Variants in TMEM117 observed in about 807,000 individuals in gnomAD.
TMEM117 encodes transmembrane protein 117.
A neutral mutation model predicts 52.4 loss-of-function variants in TMEM117; 27 were observed. The ratio of observed to expected loss-of-function variants is 0.51; its 90% CI spans 0.38 to 0.71. TMEM117 has a LOEUF of 0.71. TMEM117 is among the 30% of genes least tolerant of loss of function. The pLI is 0.00. For synonymous variants in TMEM117, 215 were observed against 206.3 expected, an observed-to-expected ratio of 1.04 and a Z score of -0.36; for missense variants, 556 against 630.5, an observed-to-expected ratio of 0.88 and a Z score of 1.26.
chr12:44,345,910 G>T (rs749108674), intron 6 of TMEM117, among the ~76,000 whole-genome samples: 3 of 151,994 alleles, frequency 2.0e-5, no homozygotes, highest in Non-Finnish European at 4.4e-5. Context: ...CTCCACAAAG[G>T]CTGCTTATTT....
At chr12:44,007,652 A>G (rs531454632) in intron 3 of TMEM117, among the ~76,000 whole-genome samples, 2 of 152,230 alleles carry the variant, frequency 1.3e-5, no homozygotes, top group Admixed American at 1.3e-4. Context: ...CCCAAATCTC[A>G]TCTTGAATTG....
At chr12:43,926,312 T>TC (rs1165800011) in intron 2 of TMEM117, among the ~76,000 whole-genome samples, 1 of 152,190 alleles carries the variant, frequency 6.6e-6, no homozygotes, top group East Asian at 1.9e-4. Flanking sequence ...TGAAGTGCTA[T>TC]GCAACTGTAG....
At chr12:43,796,932 G>T in the TMEM117 span, 1 of 1,586,056 alleles carries the variant, frequency 6.3e-7, no homozygotes, top group Non-Finnish European at 8.6e-7. Flanking sequence ...GAAATGAAAA[G>T]AAAAATTTAG....
intron 5 of TMEM117, among the ~76,000 whole-genome samples, chr12:44,292,462 C>G (rs1353359643): frequency 1.3e-5 from 2 of 151,834 alleles, no homozygotes; most frequent in Non-Finnish European, 2.9e-5. Flanking sequence ...TATTTTTGCT[C>G]TGATCTTTGT....
chr12:44,044,098 G>A (rs968783605), intron 3 of TMEM117, among the ~76,000 whole-genome samples: 10 of 152,312 alleles, frequency 6.6e-5, no homozygotes, highest in Admixed American at 2.0e-4. Flanking sequence ...CACTTTAAAC[G>A]TACTCATCCC....
At chr12:44,179,886 G>C (rs1949167539) in intron 4 of TMEM117, among the ~76,000 whole-genome samples, 1 of 152,116 alleles carries the variant, frequency 6.6e-6, no homozygotes, top group Non-Finnish European at 1.5e-5. Context: ...AATTCATTGT[G>C]GGCTGTCCTG....
At chr12:44,142,740 A>G (rs989895353) in intron 3 of TMEM117, among the ~76,000 whole-genome samples, 5 of 152,136 alleles carry the variant, frequency 3.3e-5, no homozygotes, top group Non-Finnish European at 5.9e-5. Flanking sequence ...TCACCTAGCT[A>G]CCATTTGTTA....
intron 3 of TMEM117, among the ~76,000 whole-genome samples, chr12:44,125,105 G>T (rs1439501972): frequency 1.3e-5 from 2 of 151,850 alleles, no homozygotes; most frequent in East Asian, 3.9e-4. Context: ...GGTCTATTAT[G>T]GGATTAATTT....
intron 7 of TMEM117, 139 bp from the exon 8 acceptor site, chr12:44,387,887 A>G (rs907090383): frequency 4.0e-5 from 32 of 808,210 alleles, no homozygotes; most frequent in Non-Finnish European, 5.5e-5. Flanking sequence ...GCAGCACAGC[A>G]CTCTCAAAAT....
chr12:44,219,375 G>A (rs1348790702), intron 5 of TMEM117, among the ~76,000 whole-genome samples: 1 of 152,110 alleles, frequency 6.6e-6, no homozygotes, highest in Non-Finnish European at 1.5e-5. Flanking sequence ...GATATATTGA[G>A]ATAACAACTC....
chr12:44,094,859 G>A (rs1947731403), intron 3 of TMEM117, among the ~76,000 whole-genome samples: 2 of 152,220 alleles, frequency 1.3e-5, no homozygotes, highest in East Asian at 3.9e-4. Flanking sequence ...CTTACTGTGT[G>A]CCAAGGACTT....
chr12:43,977,205 G>A (rs965311010), intron 3 of TMEM117, among the ~76,000 whole-genome samples: 3 of 152,176 alleles, frequency 2.0e-5, no homozygotes, highest in Non-Finnish European at 4.4e-5. Context: ...AGTGAATGGT[G>A]TCTGTTTCTG....
intron 3 of TMEM117, among the ~76,000 whole-genome samples, chr12:44,075,588 T>A (rs1211772376): frequency 6.6e-6 from 1 of 152,198 alleles, no homozygotes; most frequent in Non-Finnish European, 1.5e-5. Context: ...TTCATCTTTG[T>A]GTACAGAGGA....
chr12:44,340,960 C>G (rs1951408698), intron 6 of TMEM117, among the ~76,000 whole-genome samples: 1 of 152,142 alleles, frequency 6.6e-6, no homozygotes, highest in South Asian at 2.1e-4. Context: ...ATCTCTCACC[C>G]TTCCAAGTCT....
chr12:44,209,435 G>GA lies in TMEM117; in HGVS notation c.511-1849dup, dbSNP rs146090214. Reference sequence around the variant, plus strand: ...AGGATCAAGAAGAAAATAAACAGTTGAAAAAATCATCGATGAACTAGTTTC... The same window carrying GA: ...AGGATCAAGAAGAAAATAAACAGTTGAAAAAAATCATCGATGAACTAGTTTC... On this transcript the variant is annotated intron_variant, in intron 4 of 7. Transcript: ENST00000266534. 8.3e-3 allele frequency among the ~76,000 whole-genome samples: 1,264 copies of GA among 152,068 alleles called. 22 individuals carry two copies. The highest frequency in any genetic ancestry group is 0.028 in the African/African-American group (1,165 of 41,534).
At chr12:44,349,455 A>G (rs1440147187) in intron 6 of TMEM117, among the ~76,000 whole-genome samples, 1 of 152,018 alleles carries the variant, frequency 6.6e-6, no homozygotes, top group African/African-American at 2.4e-5. Flanking sequence ...AGCTGAATTG[A>G]TAATGGAGGA....
upstream of TMEM117, among the ~76,000 whole-genome samples, chr12:43,833,031 C>T (rs1240021075): frequency 6.6e-6 from 1 of 152,178 alleles, no homozygotes; most frequent in Non-Finnish European, 1.5e-5. Context: ...AGGGCACAGG[C>T]TTCTTGGTCA....
At position 44,122,965 on chromosome 12, in the gene TMEM117, A is replaced by G. The variant is rs185726271; in HGVS notation, c.411-20560A>G. Among the ~76,000 whole-genome samples the G allele has an allele frequency of 7.2e-4, 110 of 152,282 alleles. 1 individual carries two copies. The Middle Eastern group carries it at 0.01, about 14-fold the overall frequency. ...CTGGTCAAATGCTATTTCTGCCTCTAGGTCTTTGAGGAATTGCCACATTGT... is the reference window on the plus strand; with the variant it reads ...CTGGTCAAATGCTATTTCTGCCTCTGGGTCTTTGAGGAATTGCCACATTGT... On this transcript the variant is annotated intron_variant, in intron 3 of 7. Transcript: ENST00000266534.
chr12:44,321,897 T>C (rs1305253725), intron 6 of TMEM117, among the ~76,000 whole-genome samples: 1 of 152,208 alleles, frequency 6.6e-6, no homozygotes. Context: ...GCATTTACTA[T>C]GCTCTCTGTA....
Sources: gnomAD v4.1 joint callset for allele counts (sites outside exome capture counted in the v4.1 genomes callset) on GRCh38, gnomAD v4.1.1 for gene constraint, MANE v1.5 for transcripts, NCBI Gene and HGNC (gene_info 2026-07-23, HGNC 2026-07-21) for gene names.